The following GRB10 variants were observed in gnomAD, a reference collection of about 807,000 sequenced individuals.
GRB10 encodes the protein growth factor receptor-bound protein 10.
In GRB10, 20 loss-of-function variants were observed where a neutral mutation model predicts 80.9. That is an observed-to-expected ratio of 0.25 (90% CI 0.17 to 0.36). The LOEUF (loss-of-function observed/expected upper bound fraction) is 0.36, where lower values mean the gene tolerates loss of function less well. GRB10 is among the 10% of genes least tolerant of loss of function. The pLI is 1.00. For missense variants in GRB10, 548 were observed against 747.7 expected (o/e 0.73, Z 3.12); for synonymous variants, 291 against 291.5 (o/e 1.00, Z 0.02).
At chr7:50,674,349 C>G (rs1424398092) in intron 6 of GRB10, 87 bp downstream of exon 6, 17 of 1,311,042 alleles carry the variant, frequency 1.3e-5, no homozygotes, top group Non-Finnish European at 1.6e-5. Context: ...ACTATTCCCC[C>G]CAACACCATT....
In GRB10 at chr7:50,768,182, G is replaced by A. The variant is rs1022164643; in HGVS notation, c.-216-12126C>T. On this transcript the variant is annotated intron_variant, in intron 2 of 18. Transcript: ENST00000401949. ...ACAGCCTCAGCTCCCATGACCTGGCGACAAACTGTGCAACGATAAAGGCAA... is the reference window on the plus strand; with the variant it reads ...ACAGCCTCAGCTCCCATGACCTGGCAACAAACTGTGCAACGATAAAGGCAA... Among the ~76,000 whole-genome samples, 48 of 152,094 alleles carry A rather than the reference G, an allele frequency of 3.2e-4. 1 individual carries two copies. Among genetic ancestry groups the A allele is most frequent in the Admixed American group, 2.6e-3 (40 of 15,272 alleles).
At chr7:50,593,320 C>A (rs189205724) in intron 18 of GRB10, among the ~76,000 whole-genome samples, 1 of 152,114 alleles carries the variant, frequency 6.6e-6, no homozygotes, top group African/African-American at 2.4e-5. Flanking sequence ...GGGTGGGCTG[C>A]GGAGGCTGCT....
chr7:50,776,643 A>G (rs1325581447), intron 2 of GRB10, among the ~76,000 whole-genome samples: 3 of 152,210 alleles, frequency 2.0e-5, no homozygotes, highest in African/African-American at 4.8e-5. Context: ...TCCACCAAAT[A>G]TCCTAGGTTG....
chr7:50,767,132 T>C (rs2076426865), intron 2 of GRB10, among the ~76,000 whole-genome samples: 1 of 152,166 alleles, frequency 6.6e-6, no homozygotes, highest in South Asian at 2.1e-4. Flanking sequence ...TGATCTCCAG[T>C]ATTTAGTTCT....
At position 50,713,864 on chromosome 7, in the gene GRB10, C is replaced by A. The variant is rs574716813; in HGVS notation, c.52-9956G>T. ...TCGTCCACTTCCTCTACCACCTCCA[C>A]CCTCACCTCTAGCTCCTCCTCCTCC... On this transcript the variant is annotated intron_variant, in intron 4 of 18. Transcript: ENST00000401949. Among the ~76,000 whole-genome samples the A allele has an allele frequency of 2.0e-5, 3 of 152,046 alleles. No individual in the cohort carries two copies. In the East Asian group the frequency reaches 5.8e-4, roughly 29 times the overall value.
Position 50,674,600 on chromosome 7 carries a change from C to T in GRB10, c.198G>A (p.Leu66=), listed in dbSNP as rs201461189. The change falls in exon 6 of 19, where the codon CTG becomes CTA. Residue 66 remains leucine, a synonymous_variant. Transcript: ENST00000401949. Reference sequence around the variant, plus strand: ...CTGACTGCATGCTGCAGGCCGAGTACAGGCTCTCCAGGGATGCATTCATAT... The same window carrying T: ...CTGACTGCATGCTGCAGGCCGAGTATAGGCTCTCCAGGGATGCATTCATAT... ...VNDMNASLES[L]YSACSMQSDT... 3 of 1,613,632 alleles carry T rather than the reference C, an allele frequency of 1.9e-6. No individual in the cohort carries two copies. Among genetic ancestry groups the T allele is most frequent in the African/African-American group, 1.3e-5 (1 of 74,944 alleles).
intron 7 of GRB10, among the ~76,000 whole-genome samples, chr7:50,641,263 T>G (rs886270493): frequency 1.4e-5 from 2 of 145,030 alleles, no homozygotes; most frequent in Admixed American, 1.3e-4. Context: ...TTGAATTTTA[T>G]ACTCATCAAA....
intron 7 of GRB10, among the ~76,000 whole-genome samples, chr7:50,663,261 C>G (rs1025870137): frequency 5.9e-5 from 9 of 152,134 alleles, no homozygotes; most frequent in African/African-American, 2.2e-4. Flanking sequence ...GTGAAGGGAC[C>G]TTCCCCCACA....
intron 2 of GRB10, among the ~76,000 whole-genome samples, chr7:50,775,057 A>T (rs2077441191): frequency 6.6e-6 from 1 of 150,738 alleles, no homozygotes; most frequent in Admixed American, 6.6e-5. Context: ...GCTACTCAGC[A>T]GGCTGAAGTG....
At chr7:50,668,181 G>A (rs558324306) in intron 7 of GRB10, among the ~76,000 whole-genome samples, 1 of 152,220 alleles carries the variant, frequency 6.6e-6, no homozygotes, top group Non-Finnish European at 1.5e-5. Context: ...AGGTCAGAAC[G>A]GGACCCACAC....
At chr7:50,656,194 C>T (rs1415044196) in intron 7 of GRB10, among the ~76,000 whole-genome samples, 1 of 152,158 alleles carries the variant, frequency 6.6e-6, no homozygotes, top group Non-Finnish European at 1.5e-5. Context: ...AGGAGACAGG[C>T]GCGGGCTGAG....
chr7:50,602,880 T>C (rs1205917117), intron 17 of GRB10, among the ~76,000 whole-genome samples: 1 of 151,962 alleles, frequency 6.6e-6, no homozygotes, highest in Admixed American at 6.6e-5. Flanking sequence ...ATTTAGGATA[T>C]CTGAAATTTC....
chr7:50,751,838 T>G (rs1444818151), intron 3 of GRB10, among the ~76,000 whole-genome samples: 1 of 152,268 alleles, frequency 6.6e-6, no homozygotes, highest in African/African-American at 2.4e-5. Context: ...TTAAGGGCTT[T>G]AAAGTCACCT....
In GRB10 at chr7:50,749,677, C is replaced by T. The variant is rs1205178334; in HGVS notation, c.-47+6210G>A. ...ATAACTAGGTAATCATCTTCTAATG[C>T]AATCATCTACATCAATCATGCACAC... On this transcript the variant is annotated intron_variant, in intron 3 of 18. Coordinates refer to ENST00000401949, the MANE Select transcript of GRB10 (RefSeq NM_001350814.2). Among the ~76,000 whole-genome samples, 3 of 152,280 alleles carry T rather than the reference C, an allele frequency of 2.0e-5. No homozygotes were observed. In the East Asian group the frequency reaches 5.8e-4, roughly 29 times the overall value.
intron 5 of GRB10, among the ~76,000 whole-genome samples, chr7:50,698,788 CTCTT>C (rs755802591): frequency 1.3e-5 from 2 of 152,368 alleles, no homozygotes; most frequent in East Asian, 1.9e-4. Context: ...TTGAGTTTCA[CTCTT>C]TCTTATTAAA....
At position 50,635,015 on chromosome 7, in the gene GRB10, A is replaced by C. The variant is rs574220241; in HGVS notation, c.505-8037T>G. On this transcript the variant is annotated intron_variant, in intron 7 of 18. Coordinates refer to ENST00000401949, the MANE Select transcript of GRB10 (RefSeq NM_001350814.2). ...AAGTCAACAAAGAAACTCTGAACTT[A>C]AGCTAGACCTGATCAAATGGAAATA... Among the ~76,000 whole-genome samples, 5 of 152,262 alleles carry C rather than the reference A, an allele frequency of 3.3e-5. No individual in the cohort carries two copies. In the South Asian group the frequency reaches 1.0e-3, roughly 31 times the overall value.
intron 8 of GRB10, among the ~76,000 whole-genome samples, chr7:50,624,858 C>T (rs1188612550): frequency 6.6e-6 from 1 of 151,908 alleles, no homozygotes; most frequent in Non-Finnish European, 1.5e-5. Context: ...CAAAATTTGA[C>T]ACAAATATTC....
chr7:50,696,773 T>C (rs76132232), intron 5 of GRB10, among the ~76,000 whole-genome samples: 4,688 of 152,168 alleles, frequency 0.031, 247 homozygotes, highest in African/African-American at 0.11. Flanking sequence ...AAAAACTAAA[T>C]ATAGCATTAC....
At chr7:50,697,777 G>T (rs1424291816) in intron 5 of GRB10, among the ~76,000 whole-genome samples, 5 of 152,204 alleles carry the variant, frequency 3.3e-5, no homozygotes, top group Admixed American at 2.0e-4. Context: ...AGATGGGAAA[G>T]GGAAGGCACT....
Sources: allele counts gnomAD v4.1 joint callset (sites outside exome capture counted in the v4.1 genomes callset), GRCh38; gene constraint gnomAD v4.1.1; transcripts MANE v1.5; gene names NCBI Gene and HGNC (gene_info 2026-07-23, HGNC 2026-07-21).